EPM2A: variants seen among roughly 807,000 people sequenced by gnomAD.
The protein encoded by EPM2A is laforin.
In EPM2A, 21 loss-of-function variants were observed where a neutral mutation model predicts 26.5. The ratio of observed to expected loss-of-function variants is 0.79; its 90% confidence interval spans 0.56 to 1.14. The LOEUF (loss-of-function observed/expected upper bound fraction) is 1.14. Among genes scored for constraint, EPM2A ranks in the 50% most tolerant of loss-of-function variants. EPM2A has a pLI of 0.00. For missense variants in EPM2A, 458 were observed against 440.8 expected (o/e 1.04, Z -0.35); for synonymous variants, 217 against 177.6 (o/e 1.22, Z -1.76).
intron 2 of EPM2A, among the ~76,000 whole-genome samples, chr6:145,646,729 T>A: frequency 6.6e-6 from 1 of 152,094 alleles, no homozygotes; most frequent in East Asian, 1.9e-4. Flanking sequence ...GCTGGTAAAC[T>A]CCAAATCCAT....
intron 2 of EPM2A, among the ~76,000 whole-genome samples, chr6:145,617,863 G>T (rs1775549200): frequency 1.3e-5 from 2 of 152,162 alleles, no homozygotes; most frequent in Admixed American, 6.5e-5. Context: ...GCTCACTTGA[G>T]CCCAGGAAGG....
chr6:145,447,921 T>C (rs1779146743), intron 4 of EPM2A, among the ~76,000 whole-genome samples: 3 of 152,116 alleles, frequency 2.0e-5, no homozygotes, highest in Admixed American at 2.0e-4. Context: ...TGAATTCATA[T>C]ATTGTTTTTA....
rs1778919036 is a variant in EPM2A at position 145,431,308 on chromosome 6, C to A, written c.556-47211G>T. Among the ~76,000 whole-genome samples the A allele has an allele frequency of 2.0e-5, 3 of 152,172 alleles. No individual in the cohort carries two copies. The South Asian group carries it at 6.2e-4, about 32-fold the overall frequency. On this transcript the variant is annotated intron_variant, in intron 4 of 4. Coordinates refer to the EPM2A transcript ENST00000638717. ...TACCATCAAGAAAGGAGGATTGCATCCTGAATGGATGAATACCAACAAAAG... is the reference window on the plus strand; with the variant it reads ...TACCATCAAGAAAGGAGGATTGCATACTGAATGGATGAATACCAACAAAAG...
At chr6:145,673,677 T>C (rs1283906373) in intron 2 of EPM2A, among the ~76,000 whole-genome samples, 2 of 151,968 alleles carry the variant, frequency 1.3e-5, no homozygotes, top group Non-Finnish European at 2.9e-5. Context: ...TGACTGCTAG[T>C]GTAGCAGTCT....
intron 1 of EPM2A, among the ~76,000 whole-genome samples, chr6:145,734,160 G>A (rs1776673413): frequency 1.3e-5 from 2 of 152,174 alleles, no homozygotes; most frequent in African/African-American, 4.8e-5. Flanking sequence ...TTTCAATTAA[G>A]CCACTACTGT....
chr6:145,411,312 G>T (rs148643883), intron 4 of EPM2A, among the ~76,000 whole-genome samples: 121 of 152,196 alleles, frequency 8.0e-4, no homozygotes, highest in African/African-American at 2.7e-3. Flanking sequence ...TACATAAAAG[G>T]TGCAAATATG....
At chr6:145,446,605 T>G (rs1369406054) in intron 4 of EPM2A, among the ~76,000 whole-genome samples, 1 of 152,174 alleles carries the variant, frequency 6.6e-6, no homozygotes, top group Non-Finnish European at 1.5e-5. Flanking sequence ...GACCTAGCCC[T>G]GTGTTTTTCA....
intron 2 of EPM2A, among the ~76,000 whole-genome samples, chr6:145,589,454 C>T (rs563187105): frequency 6.6e-5 from 10 of 152,054 alleles, no homozygotes; most frequent in African/African-American, 1.7e-4. Context: ...TTGTGAAAGA[C>T]GTGTTTAATG....
chr6:145,674,792 A>T (rs1256912627), intron 2 of EPM2A, among the ~76,000 whole-genome samples: 1 of 152,160 alleles, frequency 6.6e-6, no homozygotes, highest in Non-Finnish European at 1.5e-5. Context: ...ATGTGAAAAG[A>T]CCAAATCTAC....
intron 4 of EPM2A, among the ~76,000 whole-genome samples, chr6:145,470,626 G>A (rs940791814): frequency 6.6e-6 from 1 of 152,128 alleles, no homozygotes; most frequent in Non-Finnish European, 1.5e-5. Context: ...TTGCATGTGT[G>A]TATGATTTGC....
At chr6:145,437,985 G>A (rs1779010405) in intron 4 of EPM2A, among the ~76,000 whole-genome samples, 1 of 152,180 alleles carries the variant, frequency 6.6e-6, no homozygotes, top group African/African-American at 2.4e-5. Flanking sequence ...ACACAAAACT[G>A]GTAAGACATT....
intron 2 of EPM2A, among the ~76,000 whole-genome samples, chr6:145,659,526 A>G (rs1778534826): frequency 6.6e-6 from 1 of 152,228 alleles, no homozygotes; most frequent in South Asian, 2.1e-4. Context: ...TTATTAAAAA[A>G]TAATTGTTCC....
chr6:145,735,649 G>T (rs1390230640), upstream of EPM2A: 1 of 1,082,852 alleles, frequency 9.2e-7, no homozygotes, highest in Non-Finnish European at 1.1e-6. Flanking sequence ...TCTTTGGGAT[G>T]CATCACGCGG....
At chr6:145,662,872 G>A (rs184512851) in intron 2 of EPM2A, among the ~76,000 whole-genome samples, 1 of 152,230 alleles carries the variant, frequency 6.6e-6, no homozygotes, top group Non-Finnish European at 1.5e-5. Flanking sequence ...AGGTGGTCTA[G>A]GAGGAGGTTC....
intron 4 of EPM2A, among the ~76,000 whole-genome samples, chr6:145,435,238 G>A (rs1236608710): frequency 1.3e-5 from 2 of 151,992 alleles, no homozygotes; most frequent in Non-Finnish European, 2.9e-5. Context: ...GTATAAATGA[G>A]TAAAAATCCT....
intron 2 of EPM2A, among the ~76,000 whole-genome samples, chr6:145,584,539 T>A (rs1028603879): frequency 6.6e-6 from 1 of 152,156 alleles, no homozygotes; most frequent in East Asian, 1.9e-4. Flanking sequence ...TGCCAAAACC[T>A]CTGGGCTCCA....
intron 2 of EPM2A, among the ~76,000 whole-genome samples, chr6:145,619,687 A>G (rs997254612): frequency 6.6e-6 from 1 of 152,128 alleles, no homozygotes; most frequent in Non-Finnish European, 1.5e-5. Context: ...CCCCACCAAC[A>G]TTTCTTTTTT....
chr6:145,606,783 G>GT (rs1336316636), intron 2 of EPM2A, among the ~76,000 whole-genome samples: 2 of 152,074 alleles, frequency 1.3e-5, no homozygotes, highest in African/African-American at 4.8e-5. Flanking sequence ...TGGCAGATTT[G>GT]TTTTGTTAAA....
At chr6:145,639,776 T>C (rs755466418) in intron 2 of EPM2A, 5 of 152,192 alleles carry the variant, frequency 3.3e-5, no homozygotes, top group Admixed American at 3.3e-4. Context: ...CAGTACCTTC[T>C]AACTGGTCAA....
Sources: allele counts gnomAD v4.1 joint callset (sites outside exome capture counted in the v4.1 genomes callset), GRCh38; gene constraint gnomAD v4.1.1; transcripts MANE v1.5; gene names NCBI Gene and HGNC (gene_info 2026-07-23, HGNC 2026-07-21).